Variants in MPHOSPH9 observed in about 807,000 individuals in gnomAD.
MPHOSPH9 encodes M-phase phosphoprotein 9.
Under a neutral mutation model 145.5 loss-of-function variants are expected in MPHOSPH9, and 88 were observed. That is an observed-to-expected ratio of 0.60 (90% CI 0.51 to 0.72). The LOEUF (loss-of-function observed/expected upper bound fraction) is 0.72, where lower values mean the gene tolerates loss of function less well. Ranked by LOEUF, MPHOSPH9 falls within the 30% of genes least tolerant of loss-of-function variation. The pLI, the probability that MPHOSPH9 is intolerant of heterozygous loss-of-function variation, is 0.00. For synonymous variants in MPHOSPH9, 435 were observed against 486.2 expected, an observed-to-expected ratio of 0.89 and a Z score of 1.39; for missense variants, 1,238 against 1,386.6, an observed-to-expected ratio of 0.89 and a Z score of 1.70.
chr12:123,158,125 G>A (rs1404202675), intron 23 of MPHOSPH9, among the ~76,000 whole-genome samples: 1 of 152,030 alleles, frequency 6.6e-6, no homozygotes, highest in Non-Finnish European at 1.5e-5. Flanking sequence ...AAGTAGCTGG[G>A]ATTACAGGTG....
chr12:123,196,183 C>G (rs11057187), intron 12 of MPHOSPH9, among the ~76,000 whole-genome samples: 1 of 152,120 alleles, frequency 6.6e-6, no homozygotes, highest in Non-Finnish European at 1.5e-5. Flanking sequence ...AATCCCATCT[C>G]TACTAAAAAT....
intron 8 of MPHOSPH9, among the ~76,000 whole-genome samples, chr12:123,206,496 AGAGAGGAGAGGAGAG>A (rs144778055): frequency 7.8e-6 from 1 of 128,610 alleles, no homozygotes; most frequent in African/African-American, 2.5e-5. Flanking sequence ...GGAGAAGAGA[AGAGAGGAGAGGAGAG>A]GAGAAGAGAA....
rs2046623485 is a variant in MPHOSPH9 at position 123,209,767 on chromosome 12, T to C, written c.1194+289A>G. Among the ~76,000 whole-genome samples the C allele has an allele frequency of 2.0e-5, 3 of 148,926 alleles. No homozygotes were observed. The South Asian group carries it at 6.5e-4, about 32-fold the overall frequency. On this transcript the variant is annotated intron_variant, in intron 8 of 23. Transcript: ENST00000606320. ...TTTTTTTTTTTTTGAGATGGAGTCTTGCTCTGTCACCCAGGCTGGAGTGCA... is the reference window on the plus strand; with the variant it reads ...TTTTTTTTTTTTTGAGATGGAGTCTCGCTCTGTCACCCAGGCTGGAGTGCA...
At chr12:123,156,966 C>T in intron 23 of MPHOSPH9, 58 bp from the exon 24 acceptor site, 1 of 1,293,258 alleles carries the variant, frequency 7.7e-7, no homozygotes, top group African/African-American at 1.5e-5. Context: ...TCTATAATCA[C>T]CACCAAACTG....
At chr12:123,214,948 A>G (rs1441287514) in intron 6 of MPHOSPH9, 114 bp from the exon 7 acceptor site, 1 of 847,876 alleles carries the variant, frequency 1.2e-6, no homozygotes, top group Non-Finnish European at 1.9e-6. Flanking sequence ...CAGAGGGTTC[A>G]AAGAAGAAAG....
chr12:123,218,280 C>T (rs2047054698), intron 6 of MPHOSPH9, 96 bp downstream of exon 6: 1 of 1,503,220 alleles, frequency 6.7e-7, no homozygotes, highest in South Asian at 1.3e-5. Flanking sequence ...ATTAACAATA[C>T]AAAAGAAAGG....
rs886216643 is a variant in MPHOSPH9 at position 123,220,485 on chromosome 12, A to C, written c.872+887T>G. On this transcript the variant is annotated intron_variant, in intron 5 of 23. Coordinates refer to ENST00000606320, the MANE Select transcript of MPHOSPH9 (RefSeq NM_022782.4). ...AGACTTAAGGCAGGAGTATCACTTG[A>C]ACCAGGGAGGCAAAGGTTGCAGTGA... Among the ~76,000 whole-genome samples, 4 of 151,966 alleles carry C rather than the reference A, an allele frequency of 2.6e-5. No individual in the cohort carries two copies. In the South Asian group the frequency reaches 8.3e-4, roughly 32 times the overall value.
chr12:123,238,724 C>T (rs2047888181), intron 1 of MPHOSPH9, among the ~76,000 whole-genome samples: 1 of 152,184 alleles, frequency 6.6e-6, no homozygotes, highest in African/African-American at 2.4e-5. Context: ...CTCTGCATCA[C>T]CTGAGGATCT....
In MPHOSPH9 at chr12:123,221,385, C is replaced by T. The variant is rs1487923421; in HGVS notation, c.859G>A (p.Gly287Arg). ...GENKVSEVYS[G>R]KTNSNAITSW... ...AATTCTACTTACCTATTTGTTTTCCCACTGTATACTTCAGAAACCTTATTT... is the reference window on the plus strand; with the variant it reads ...AATTCTACTTACCTATTTGTTTTCCTACTGTATACTTCAGAAACCTTATTT... Residue 287 changes from glycine (G) to arginine (R), a missense_variant, in exon 5 of 24, where the codon GGG (glycine) becomes AGG (arginine). This residue lies in a region of MPHOSPH9 where 837 missense variants were observed against 897.5 expected (regional missense o/e 0.93). Transcript: ENST00000606320. 1.3e-6 allele frequency: 2 copies of T among 1,588,574 alleles called. No homozygotes were observed. Among genetic ancestry groups the T allele is most frequent in the Non-Finnish European group, 1.7e-6 (2 of 1,170,570 alleles).
Position 123,194,565 on chromosome 12 carries a change from C to G in MPHOSPH9, c.2062G>C (p.Ala688Pro). The change falls in exon 13 of 24, where the codon GCT (alanine) becomes CCT (proline). Residue 688 changes from alanine (A) to proline (P), a missense_variant. Physicochemically the swap from Ala to Pro is conservative, Grantham distance 27. This residue lies in a region of MPHOSPH9 where 837 missense variants were observed against 897.5 expected (regional missense o/e 0.93). Coordinates refer to ENST00000606320, the MANE Select transcript of MPHOSPH9 (RefSeq NM_022782.4). ...LRERFSAASS[A>P]SKILQERIEE... ...ATTCGTTCCTGCAAAATTTTGGAAGCACTGCTGGCTGCACTGAAGCGTTCT... is the reference window on the plus strand; with the variant it reads ...ATTCGTTCCTGCAAAATTTTGGAAGGACTGCTGGCTGCACTGAAGCGTTCT... 1 of 1,612,222 alleles carries G rather than the reference C, an allele frequency of 6.2e-7. No individual in the cohort carries two copies. Among genetic ancestry groups the G allele is most frequent in the African/African-American group, 1.3e-5 (1 of 74,918 alleles).
At chr12:123,227,640 A>G (rs2138664152) in intron 2 of MPHOSPH9, 24 bp from the exon 3 acceptor site, 1 of 1,486,044 alleles carries the variant, frequency 6.7e-7, no homozygotes, top group East Asian at 2.5e-5. Flanking sequence ...AATAATTCAA[A>G]TGGTTTTCTT....
Position 123,206,412 on chromosome 12 carries a change from T to C in MPHOSPH9, c.1195-3037A>G, listed in dbSNP as rs1006102083. 2.6e-5 allele frequency among the ~76,000 whole-genome samples: 4 copies of C among 151,024 alleles called. No individual in the cohort carries two copies. In the South Asian group the frequency reaches 6.3e-4, roughly 24 times the overall value. ...AGGAGGTTGAGTCTGCAGTTATCTA[T>C]GATGAAGCTGCTATACTCCAGCCTC... On this transcript the variant is annotated intron_variant, in intron 8 of 23. Transcript: ENST00000606320.
chr12:123,211,883 C>T (rs1448464780), intron 7 of MPHOSPH9, among the ~76,000 whole-genome samples: 1 of 151,272 alleles, frequency 6.6e-6, no homozygotes, highest in East Asian at 2.0e-4. Context: ...TGTGTAGAGA[C>T]GAAGTTTTGC....
intron 13 of MPHOSPH9, among the ~76,000 whole-genome samples, chr12:123,186,022 C>A (rs2045427772): frequency 6.6e-6 from 1 of 151,612 alleles, no homozygotes; most frequent in South Asian, 2.1e-4. Context: ...GTCAGGAGTT[C>A]GAGACCAGCC....
intron 1 of MPHOSPH9, among the ~76,000 whole-genome samples, chr12:123,239,693 C>T (rs992783897): frequency 1.3e-5 from 2 of 152,166 alleles, no homozygotes; most frequent in African/African-American, 4.8e-5. Context: ...TGAGCTACCG[C>T]GCCCAGCCCA....
chr12:123,181,653 CT>C (rs143552061), intron 13 of MPHOSPH9, among the ~76,000 whole-genome samples: 1 of 152,064 alleles, frequency 6.6e-6, no homozygotes, highest in East Asian at 1.9e-4. Flanking sequence ...AGCCTGAAAG[CT>C]CAAGAGTTCA....
intron 11 of MPHOSPH9, among the ~76,000 whole-genome samples, chr12:123,200,167 C>T (rs1030621219): frequency 3.3e-5 from 5 of 152,096 alleles, no homozygotes; most frequent in African/African-American, 1.2e-4. Flanking sequence ...GGGGATTCTC[C>T]AATTTGCAAT....
rs2046283543 is a variant in MPHOSPH9, at chr12:123,202,889, A to C, written c.1516T>G (p.Phe506Val). The change falls in exon 10 of 24, where the codon TTT (phenylalanine) becomes GTT (valine). Residue 506 changes from phenylalanine (F) to valine (V), a missense_variant. This residue lies in a region of MPHOSPH9 where 837 missense variants were observed against 897.5 expected (regional missense o/e 0.93). Coordinates refer to ENST00000606320, the MANE Select transcript of MPHOSPH9 (RefSeq NM_022782.4). ...ASNVTSQLPG[F>V]PKYPSHTKAS... is the part of the protein sequence containing the mutation. ...TTTGTGTGTGAGGGATATTTTGGAA[A>C]TCCAGGTAACTGAGAAGTGACATTA... is the stretch of plus-strand genomic sequence containing the variant. The C allele has an allele frequency of 2.5e-6, 4 of 1,614,058 alleles. No homozygotes were observed. The highest frequency in any genetic ancestry group is 1.7e-5 in the Admixed American group (1 of 59,980).
intron 13 of MPHOSPH9, among the ~76,000 whole-genome samples, chr12:123,183,497 G>A (rs746262380): frequency 2.1e-4 from 29 of 138,614 alleles, no homozygotes; most frequent in Admixed American, 4.9e-4. Flanking sequence ...GCAGTGAACC[G>A]AGATGGTGCC....
Sources: allele counts gnomAD v4.1 joint callset (sites outside exome capture counted in the v4.1 genomes callset), GRCh38; gene constraint gnomAD v4.1.1; regional missense constraint gnomAD v4.1.1; transcripts MANE v1.5; gene names NCBI Gene and HGNC (gene_info 2026-07-23, HGNC 2026-07-21).